HK1: variants seen among roughly 807,000 people sequenced by gnomAD.
HK1 encodes the protein hexokinase-1.
A neutral mutation model predicts 91.6 loss-of-function variants in HK1; 28 were observed. That is an observed-to-expected ratio of 0.31 (90% CI 0.23 to 0.42). The LOEUF (loss-of-function observed/expected upper bound fraction) is 0.42. Among genes scored for constraint, HK1 ranks in the 10% least tolerant of loss-of-function variants. The probability of loss-of-function intolerance (pLI) is 1.00; values close to 1 mark genes in which losing one functional copy is unlikely to be tolerated. For synonymous variants in HK1, 430 were observed against 468.1 expected, an observed-to-expected ratio of 0.92 and a Z score of 1.05; for missense variants, 770 against 1,219.8, an observed-to-expected ratio of 0.63 and a Z score of 5.49.
intron 1 of HK1, among the ~76,000 whole-genome samples, chr10:69,322,538 C>T (rs951736193): frequency 3.3e-5 from 5 of 152,044 alleles, no homozygotes; most frequent in African/African-American, 1.2e-4. Flanking sequence ...AAGGGTTGCC[C>T]AAGGTACATT....
chr10:69,389,321 C>T (rs1369702376), intron 14 of HK1, 25 bp downstream of exon 14: 2 of 1,553,590 alleles, frequency 1.3e-6, no homozygotes, highest in African/African-American at 1.4e-5. Context: ...AGGTCTCTTT[C>T]CCTGCAGAAG....
chr10:69,389,197 G>C lies in HK1; in HGVS notation c.1936G>C (p.Glu646Gln), dbSNP rs762005892. 28 of 1,613,272 alleles carry C rather than the reference G, an allele frequency of 1.7e-5. No individual in the cohort carries two copies. The highest frequency in any genetic ancestry group is 2.4e-5 in the Non-Finnish European group (28 of 1,179,396). Residue 646 changes from glutamate to glutamine, a missense_variant and splice_region_variant, in exon 14 of 18, where the codon GAA becomes CAA. Around this residue, in one of 7 missense-constraint regions of HK1, gnomAD observed 152 missense variants for 211.1 expected, o/e 0.72. Transcript: ENST00000359426. The part of the protein sequence containing the change: ...LLRDAIKRRE[E>Q]FDLDVVAVVN... ...AAGCTGTGTCCCTTTCTTTGCAAAG[G>C]AATTTGACCTGGACGTGGTGGCTGT... is the stretch of plus-strand genomic sequence containing the variant.
At chr10:69,333,710 T>A (rs919232967) in intron 1 of HK1, among the ~76,000 whole-genome samples, 1 of 152,128 alleles carries the variant, frequency 6.6e-6, no homozygotes, top group African/African-American at 2.4e-5. Flanking sequence ...CATGTGGGGT[T>A]CATAACAGCT....
intron 1 of HK1, among the ~76,000 whole-genome samples, chr10:69,329,448 A>C (rs573844472): frequency 1.3e-5 from 2 of 152,278 alleles, no homozygotes; most frequent in Non-Finnish European, 2.9e-5. Context: ...GGCGTGAGCC[A>C]CCGCGCCCGG....
intron 10 of HK1, among the ~76,000 whole-genome samples, 187 bp from the exon 11 acceptor site, chr10:69,384,146 G>A (rs551482153): frequency 5.6e-4 from 85 of 152,346 alleles, no homozygotes; most frequent in African/African-American, 1.8e-3. Flanking sequence ...CTCCAAGTCT[G>A]TGGTGGTCAG....
At chr10:69,324,030 T>G (rs1261887228) in intron 1 of HK1, among the ~76,000 whole-genome samples, 2 of 152,130 alleles carry the variant, frequency 1.3e-5, no homozygotes, top group African/African-American at 4.8e-5. Flanking sequence ...GGCACCTGCT[T>G]ATGGATTTGT....
upstream of HK1, chr10:69,318,322 G>A (rs2132560332): frequency 7.3e-6 from 5 of 686,118 alleles, no homozygotes; most frequent in Admixed American, 6.3e-5. Flanking sequence ...GCTTCCGCCC[G>A]CTTTCCACGC....
At chr10:69,396,384 A>G (rs971576844) in intron 16 of HK1, among the ~76,000 whole-genome samples, 2 of 152,084 alleles carry the variant, frequency 1.3e-5, no homozygotes, top group African/African-American at 4.8e-5. Context: ...TTAAGTATAC[A>G]GTTCGGTGAC....
chr10:69,299,183 T>A (rs1488695989), intron 4 of HK1, among the ~76,000 whole-genome samples: 3 of 151,326 alleles, frequency 2.0e-5, no homozygotes, highest in Non-Finnish European at 2.9e-5. Context: ...AATAAGTGTG[T>A]TGTTGTTGAA....
At chr10:69,308,131 G>A (rs765594882) in intron 5 of HK1, among the ~76,000 whole-genome samples, 5 of 152,046 alleles carry the variant, frequency 3.3e-5, no homozygotes, top group Non-Finnish European at 7.4e-5. Flanking sequence ...GAGCCACCAC[G>A]CCCCGCCTAA....
At chr10:69,286,473 G>A (rs1217645142) in intron 2 of HK1, among the ~76,000 whole-genome samples, 1 of 152,166 alleles carries the variant, frequency 6.6e-6, no homozygotes, top group Non-Finnish European at 1.5e-5. Context: ...CAGCCCAGGT[G>A]ACAGAGCAGG....
chr10:69,387,971 C>T (rs1335782466), intron 13 of HK1, among the ~76,000 whole-genome samples: 1 of 151,658 alleles, frequency 6.6e-6, no homozygotes, highest in Non-Finnish European at 1.5e-5. Flanking sequence ...AAATAACAGT[C>T]TAAAGAGCAG....
intron 5 of HK1, among the ~76,000 whole-genome samples, chr10:69,301,588 A>C (rs1262113859): frequency 6.6e-6 from 1 of 151,176 alleles, no homozygotes; most frequent in Non-Finnish European, 1.5e-5. Flanking sequence ...AAAAAAAAAA[A>C]AAAAAAAGAA....
At chr10:69,361,922 A>AT (rs1217057077) in intron 3 of HK1, among the ~76,000 whole-genome samples, 24 of 152,034 alleles carry the variant, frequency 1.6e-4, no homozygotes, top group African/African-American at 5.6e-4. Flanking sequence ...GGTTCAAGTG[A>AT]TTCTCCTGCC....
At chr10:69,337,751 C>T (rs988972188) in intron 1 of HK1, among the ~76,000 whole-genome samples, 2 of 152,202 alleles carry the variant, frequency 1.3e-5, no homozygotes, top group African/African-American at 2.4e-5. Context: ...GCTTCAGTCA[C>T]GCCTGCTGTT....
intron 4 of HK1, chr10:69,295,689 G>A (rs891245857): frequency 6.3e-7 from 1 of 1,575,206 alleles, no homozygotes; most frequent in African/African-American, 1.4e-5. Flanking sequence ...AGGTAAGAAA[G>A]CTATTTTTTT....
chr10:69,378,582 C>T (rs191838048), intron 8 of HK1, among the ~76,000 whole-genome samples: 76 of 152,216 alleles, frequency 5.0e-4, no homozygotes, highest in Admixed American at 1.4e-3. Flanking sequence ...AATAGAATGA[C>T]GGGAGAGGTT....
intron 7 of HK1, among the ~76,000 whole-genome samples, chr10:69,375,701 G>A (rs377090776): frequency 2.0e-5 from 3 of 152,214 alleles, no homozygotes; most frequent in East Asian, 3.8e-4. Flanking sequence ...GCAGAGGAGC[G>A]GCGGGCTGCT....
intron 1 of HK1, among the ~76,000 whole-genome samples, chr10:69,339,182 GCCACTTAAAGGC>G (rs1293887632): frequency 6.6e-6 from 1 of 152,206 alleles, no homozygotes; most frequent in Non-Finnish European, 1.5e-5. Flanking sequence ...GTGCCTCCGG[GCCACTTAAAGGC>G]CCACAGTCCA....
Sources: gnomAD v4.1 joint callset for allele counts (sites outside exome capture counted in the v4.1 genomes callset) on GRCh38, gnomAD v4.1.1 for gene constraint, gnomAD v4.1.1 regional missense constraint, MANE v1.5 for transcripts, NCBI Gene and HGNC (gene_info 2026-07-23, HGNC 2026-07-21) for gene names.